The following GPCPD1 variants were observed in gnomAD, a reference collection of about 807,000 sequenced individuals.
GPCPD1 encodes glycerophosphocholine phosphodiesterase 1, also known as glycerophosphocholine phosphodiesterase GPCPD1.
GPCPD1 carries 29 observed loss-of-function variants against 89.2 expected under a neutral mutation model. The observed-to-expected ratio is 0.33, with a 90% confidence interval of 0.24 to 0.44. The LOEUF is 0.44. Ranked by LOEUF, GPCPD1 falls within the 20% of genes least tolerant of loss-of-function variation. The probability of loss-of-function intolerance (pLI) is 1.00; values close to 1 mark genes in which losing one functional copy is unlikely to be tolerated. For synonymous variants in GPCPD1, 258 were observed against 266.3 expected (o/e 0.97, Z 0.30); for missense variants, 594 against 808.9 (o/e 0.73, Z 3.22).
At chr20:5,596,317 A>G (rs1311842248) in intron 3 of GPCPD1, among the ~76,000 whole-genome samples, 1 of 152,146 alleles carries the variant, frequency 6.6e-6, no homozygotes, top group East Asian at 1.9e-4. Context: ...ACCGGAGCCC[A>G]GGAGTTTGAG....
At chr20:5,596,169 C>T (rs553591690) in intron 3 of GPCPD1, among the ~76,000 whole-genome samples, 27 of 152,176 alleles carry the variant, frequency 1.8e-4, no homozygotes, top group African/African-American at 6.3e-4. Context: ...GAGGCTGAGG[C>T]GGGAGGGCAG....
rs7261114 is a variant in GPCPD1 at position 5,586,207 on chromosome 20, T to C, written c.294A>G (p.Ser98=). The part of the protein sequence containing the change: ...HKWETHLQPR[S]ITPLESEIII... ...TAATGCCCATACCTAAAGGGGTTATTGATCGTGGTTGTAGATGAGTCTCCC... is the reference window on the plus strand; with the variant it reads ...TAATGCCCATACCTAAAGGGGTTATCGATCGTGGTTGTAGATGAGTCTCCC... The change falls in exon 5 of 20, where the codon TCA becomes TCG. Residue 98 remains serine (S), a synonymous_variant. Transcript: ENST00000379019. The C allele has an allele frequency of 9.4e-4, 1,472 of 1,565,968 alleles. 20 individuals are homozygous for C. In the African/African-American group the frequency reaches 0.018, roughly 19 times the overall value.
chr20:5,558,828 A>C lies in GPCPD1; in HGVS notation c.1533-9T>G. On this transcript the variant is annotated splice_polypyrimidine_tract_variant and intron_variant, in intron 17 of 19. Coordinates refer to ENST00000379019, the MANE Select transcript of GPCPD1 (RefSeq NM_019593.5). ...TCTGCTTTTGCCGAACCCTGAAAAG[A>C]AACAATTTTAAAAATACCTTTCAAT... 1 of 1,544,642 alleles carries C rather than the reference A, an allele frequency of 6.5e-7. No individual in the cohort carries two copies. The highest frequency in any genetic ancestry group is 8.7e-7 in the Non-Finnish European group (1 of 1,143,878).
chr20:5,600,580 T>G (rs1276256682), intron 2 of GPCPD1, among the ~76,000 whole-genome samples: 1 of 151,962 alleles, frequency 6.6e-6, no homozygotes, highest in East Asian at 1.9e-4. Flanking sequence ...ATGCCTATAA[T>G]CCCAGCACTT....
chr20:5,568,228 T>TAGTATATATATATATATATACTA (rs1986505452), intron 12 of GPCPD1, among the ~76,000 whole-genome samples: 2 of 131,214 alleles, frequency 1.5e-5, no homozygotes, highest in African/African-American at 6.6e-5. Flanking sequence ...CAAATATACT[T>TAGTATATATATATATATATACTA]AGTATATATA....
At chr20:5,565,625 T>C (rs865813138) in intron 14 of GPCPD1, among the ~76,000 whole-genome samples, 3 of 152,180 alleles carry the variant, frequency 2.0e-5, no homozygotes, top group Admixed American at 6.5e-5. Flanking sequence ...CAACGATTAA[T>C]AGACACCAGT....
At chr20:5,581,679 A>G (rs1321177561) in intron 6 of GPCPD1, among the ~76,000 whole-genome samples, 1 of 152,184 alleles carries the variant, frequency 6.6e-6, no homozygotes, top group African/African-American at 2.4e-5. Context: ...ATGTTCATAA[A>G]TACCAGAGAA....
intron 6 of GPCPD1, among the ~76,000 whole-genome samples, chr20:5,581,148 T>A (rs1399520235): frequency 6.6e-6 from 1 of 152,060 alleles, no homozygotes; most frequent in Non-Finnish European, 1.5e-5. Context: ...AAAGTGCTGG[T>A]ATTACAGGCA....
intron 19 of GPCPD1, among the ~76,000 whole-genome samples, chr20:5,553,802 T>G (rs182989446): frequency 6.6e-6 from 1 of 152,188 alleles, no homozygotes; most frequent in African/African-American, 2.4e-5. Context: ...AGAAGAAAAG[T>G]TGGAACCCAA....
At chr20:5,571,070 A>G (rs1986686233) in intron 11 of GPCPD1, among the ~76,000 whole-genome samples, 1 of 152,182 alleles carries the variant, frequency 6.6e-6, no homozygotes, top group Non-Finnish European at 1.5e-5. Flanking sequence ...ATTCTGTAAC[A>G]CTACTTTACT....
chr20:5,558,202 C>A (rs1031778121), intron 18 of GPCPD1, 97 bp from the exon 19 acceptor site: 18 of 627,372 alleles, frequency 2.9e-5, no homozygotes, highest in Admixed American at 6.3e-5. Flanking sequence ...GTACAGCAGG[C>A]GGGAAAAGAA....
intron 19 of GPCPD1, among the ~76,000 whole-genome samples, chr20:5,553,224 T>C (rs1985535919): frequency 6.6e-6 from 1 of 152,222 alleles, no homozygotes; most frequent in Non-Finnish European, 1.5e-5. Flanking sequence ...TTCATTATGA[T>C]TCTATCTGAT....
At chr20:5,576,048 CACACACACACACAG>C (rs1490959954) in intron 8 of GPCPD1, 70 bp from the exon 9 acceptor site, 2 of 631,894 alleles carry the variant, frequency 3.2e-6, no homozygotes, top group South Asian at 4.6e-5. Context: ...TATACACACA[CACACACACACACAG>C]ACACACACAC....
At chr20:5,567,454 T>C (rs1986450180) in intron 13 of GPCPD1, 29 bp downstream of exon 13, 1 of 1,554,470 alleles carries the variant, frequency 6.4e-7, no homozygotes, top group East Asian at 2.3e-5. Context: ...AGCTAAGGGA[T>C]AATTTACATT....
intron 12 of GPCPD1, among the ~76,000 whole-genome samples, 197 bp downstream of exon 12, chr20:5,569,950 C>G (rs1490536359): frequency 1.3e-5 from 2 of 152,078 alleles, no homozygotes; most frequent in Non-Finnish European, 2.9e-5. Flanking sequence ...AGAGACCCTA[C>G]TCTAGGAAGG....
intron 13 of GPCPD1, among the ~76,000 whole-genome samples, chr20:5,567,270 T>C (rs1986439590): frequency 6.6e-6 from 1 of 152,102 alleles, no homozygotes; most frequent in South Asian, 2.1e-4. Flanking sequence ...CCTTCATAAA[T>C]ACAAAAACCA....
At chr20:5,581,950 C>T (rs1287056475) in intron 6 of GPCPD1, among the ~76,000 whole-genome samples, 3 of 145,666 alleles carry the variant, frequency 2.1e-5, no homozygotes, top group Non-Finnish European at 3.0e-5. Flanking sequence ...TTTGGGAGGC[C>T]GAGGCGGGCG....
intron 17 of GPCPD1, among the ~76,000 whole-genome samples, 155 bp from the exon 18 acceptor site, chr20:5,558,974 G>A (rs903620647): frequency 1.3e-5 from 2 of 152,046 alleles, no homozygotes; most frequent in Non-Finnish European, 2.9e-5. Context: ...AGGCCAAGGC[G>A]GGCAGAGCAC....
intron 4 of GPCPD1, among the ~76,000 whole-genome samples, chr20:5,592,971 A>G (rs2122753966): frequency 6.6e-6 from 1 of 152,352 alleles, no homozygotes; most frequent in East Asian, 1.9e-4. Flanking sequence ...ATACTTCTCT[A>G]AATGTATTTA....
Sources: gnomAD v4.1 joint callset for allele counts (sites outside exome capture counted in the v4.1 genomes callset) on GRCh38, gnomAD v4.1.1 for gene constraint, MANE v1.5 for transcripts, NCBI Gene and HGNC (gene_info 2026-07-23, HGNC 2026-07-21) for gene names.